The following GRIA2 variants were observed in gnomAD, a reference collection of about 807,000 sequenced individuals.
GRIA2 encodes glutamate receptor 2.
GRIA2 carries 14 observed loss-of-function variants against 97.3 expected under a neutral mutation model. The observed-to-expected ratio is 0.14, with a 90% CI of 0.10 to 0.23. GRIA2 has a LOEUF of 0.23. Among genes scored for constraint, GRIA2 ranks in the 10% least tolerant of loss-of-function variants. The pLI is 1.00. For synonymous variants in GRIA2, 412 were observed against 387.8 expected (o/e 1.06, Z -0.73); for missense variants, 558 against 1,069.8 (o/e 0.52, Z 6.67).
chr4:157,290,192 G>A lies in GRIA2; in HGVS notation c.230-13360G>A, dbSNP rs141205389. ...TCATTCAATTAAGTGGTAGATTTTG[G>A]TCATGCAATTATACAGCAATAATAC... On this transcript the variant is annotated intron_variant, in intron 2 of 15. Coordinates refer to ENST00000264426, the MANE Select transcript of GRIA2 (RefSeq NM_001083619.3). 1.3e-3 allele frequency among the ~76,000 whole-genome samples: 204 copies of A among 151,816 alleles called. 2 individuals are homozygous for A. Among genetic ancestry groups the A allele is most frequent in the African/African-American group, 4.6e-3 (191 of 41,456 alleles).
chr4:157,227,178 T>A (rs967566674), intron 2 of GRIA2, among the ~76,000 whole-genome samples: 2 of 152,158 alleles, frequency 1.3e-5, no homozygotes, highest in Non-Finnish European at 2.9e-5. Flanking sequence ...TTTGAAAGTC[T>A]TGCAAACTTC....
intron 2 of GRIA2, among the ~76,000 whole-genome samples, chr4:157,285,970 G>A (rs1282766584): frequency 6.6e-6 from 1 of 151,298 alleles, no homozygotes; most frequent in South Asian, 2.1e-4. Context: ...TAATAATAAG[G>A]ATTTAAACCT....
chr4:157,355,967 A>G (rs1478482673), intron 12 of GRIA2, among the ~76,000 whole-genome samples: 3 of 48,900 alleles, frequency 6.1e-5, no homozygotes, highest in African/African-American at 2.0e-4. Flanking sequence ...ATTTATGTAT[A>G]TTAATATATA....
intron 6 of GRIA2, among the ~76,000 whole-genome samples, chr4:157,328,203 C>T (rs1174706651): frequency 6.6e-6 from 1 of 151,984 alleles, no homozygotes; most frequent in Non-Finnish European, 1.5e-5. Flanking sequence ...TTCAGGGCAT[C>T]TCACATCTTA....
intron 2 of GRIA2, among the ~76,000 whole-genome samples, chr4:157,257,093 A>G (rs916317462): frequency 6.6e-6 from 1 of 152,088 alleles, no homozygotes; most frequent in Non-Finnish European, 1.5e-5. Context: ...TATGCTTTCA[A>G]AATAACCCAA....
chr4:157,355,555 T>A, intron 12 of GRIA2, among the ~76,000 whole-genome samples: 1 of 144,648 alleles, frequency 6.9e-6, no homozygotes, highest in East Asian at 2.0e-4. Context: ...CAGTCTTCCT[T>A]GGCTTAGCTG....
At chr4:157,311,244 C>G (rs1437826287) in intron 3 of GRIA2, among the ~76,000 whole-genome samples, 2 of 151,952 alleles carry the variant, frequency 1.3e-5, no homozygotes, top group Non-Finnish European at 2.9e-5. Context: ...CTAGCATCTA[C>G]CAAAGTCAAG....
intron 2 of GRIA2, among the ~76,000 whole-genome samples, chr4:157,240,269 T>A (rs1289350791): frequency 2.6e-5 from 4 of 152,144 alleles, no homozygotes; most frequent in African/African-American, 9.6e-5. Flanking sequence ...CTTCATGATA[T>A]CCGTAATATT....
Position 157,361,503 on chromosome 4 carries a change from T to C in GRIA2, c.2406+379T>C, listed in dbSNP as rs1368935193. The C allele has an allele frequency of 7.4e-7, 1 of 1,352,170 alleles. No homozygotes were observed. The highest frequency in any genetic ancestry group is 1.1e-6 in the Non-Finnish European group (1 of 942,688). The allele number at this position is 1,352,170 out of a possible 1,614,324, so 83.8% of individuals were successfully genotyped here. A position where few individuals can be genotyped will look rare whatever the true frequency, so the allele number is the denominator to read the frequency against. On this transcript the variant is annotated intron_variant, in intron 14 of 15. Transcript: ENST00000264426. This position sits in a 1 kb window ranked among gnomAD's most constrained non-coding sequence, Gnocchi z 5.2. Reference sequence around the variant, plus strand: ...ATGTAATGAATAACATAAAATAACATTGATAATGTTATTTATGTTATTTTC... The same window carrying C: ...ATGTAATGAATAACATAAAATAACACTGATAATGTTATTTATGTTATTTTC...
chr4:157,278,094 A>T (rs1732429446), intron 2 of GRIA2, among the ~76,000 whole-genome samples: 1 of 151,538 alleles, frequency 6.6e-6, no homozygotes, highest in Admixed American at 6.6e-5. Flanking sequence ...TCAGCCAGTT[A>T]TTGTGTAGGT....
rs754120223 is a variant in GRIA2 at position 157,312,666 on chromosome 4, T to C, written c.470-13T>C. On this transcript the variant is annotated splice_polypyrimidine_tract_variant and intron_variant, in intron 3 of 15. Coordinates refer to ENST00000264426, the MANE Select transcript of GRIA2 (RefSeq NM_001083619.3). ...GTATCTTTATCAGTCATCATTTTTC[T>C]TTGCCTTCCTAGGCTTATCAACACT... The C allele has an allele frequency of 6.6e-7, 1 of 1,504,286 alleles. No individual in the cohort carries two copies. Among genetic ancestry groups the C allele is most frequent in the Non-Finnish European group, 9.0e-7 (1 of 1,112,958 alleles). 93.2% of individuals were successfully genotyped at this position (1,504,286 alleles called of 1,614,324 possible).
chr4:157,328,054 T>C (rs1734883951), intron 6 of GRIA2, among the ~76,000 whole-genome samples: 1 of 152,124 alleles, frequency 6.6e-6, no homozygotes, highest in Non-Finnish European at 1.5e-5. Flanking sequence ...TATTTTATAG[T>C]TTAAAAAGTG....
intron 2 of GRIA2, among the ~76,000 whole-genome samples, chr4:157,255,033 A>G (rs1212193461): frequency 2.0e-5 from 3 of 152,014 alleles, no homozygotes; most frequent in Admixed American, 6.6e-5. Context: ...TCACCTGAAT[A>G]GTGTACATTG....
At chr4:157,277,531 T>C (rs933732275) in intron 2 of GRIA2, among the ~76,000 whole-genome samples, 2 of 151,722 alleles carry the variant, frequency 1.3e-5, no homozygotes, top group Admixed American at 6.6e-5. Flanking sequence ...TCTTAGCTAA[T>C]GTAATAATAC....
At chr4:157,229,846 TATAGTCCTCTA>T (rs1196370730) in intron 2 of GRIA2, among the ~76,000 whole-genome samples, 2 of 152,148 alleles carry the variant, frequency 1.3e-5, no homozygotes, top group Non-Finnish European at 2.9e-5. Context: ...GTTTACTTGT[TATAGTCCTCTA>T]ATACTTTCAC....
At chr4:157,356,169 A>ATATATATT (rs1736361618) in intron 12 of GRIA2, among the ~76,000 whole-genome samples, 1 of 129,900 alleles carries the variant, frequency 7.7e-6, no homozygotes, top group Non-Finnish European at 1.6e-5. Flanking sequence ...ATATATATTT[A>ATATATATT]TATATATTTA....
intron 12 of GRIA2, among the ~76,000 whole-genome samples, chr4:157,349,151 C>G (rs555628584): frequency 5.3e-5 from 8 of 152,244 alleles, no homozygotes; most frequent in African/African-American, 1.9e-4. Context: ...CACTTTCCAT[C>G]TATGGCTTAG....
At chr4:157,230,699 ATCT>A (rs1729969657) in intron 2 of GRIA2, among the ~76,000 whole-genome samples, 1 of 151,562 alleles carries the variant, frequency 6.6e-6, no homozygotes, top group African/African-American at 2.4e-5. Context: ...TCTGTGGTCA[ATCT>A]TCTATATTAA....
intron 2 of GRIA2, among the ~76,000 whole-genome samples, chr4:157,269,837 T>C (rs1731937611): frequency 6.6e-6 from 1 of 152,116 alleles, no homozygotes; most frequent in Non-Finnish European, 1.5e-5. Context: ...TCTACAGCCT[T>C]TATCTGTTTA....
Sources: gnomAD v4.1 joint callset for allele counts (sites outside exome capture counted in the v4.1 genomes callset) on GRCh38, gnomAD v4.1.1 for gene constraint, Gnocchi (gnomAD v3.1) non-coding constraint, MANE v1.5 for transcripts, NCBI Gene and HGNC (gene_info 2026-07-23, HGNC 2026-07-21) for gene names.